Variants in DPP6 observed in about 807,000 individuals in gnomAD.
DPP6 encodes the protein A-type potassium channel modulatory protein DPP6.
In DPP6, 69 loss-of-function variants were observed where a neutral mutation model predicts 122.6. The observed-to-expected ratio is 0.56, with a 90% CI of 0.46 to 0.69. The LOEUF is 0.69. Among genes scored for constraint, DPP6 ranks in the 30% least tolerant of loss-of-function variants. The pLI, the probability that DPP6 is intolerant of heterozygous loss-of-function variation, is 0.00. For missense variants in DPP6, 928 were observed against 1,116.9 expected, an observed-to-expected ratio of 0.83 and a Z score of 2.41; for synonymous variants, 418 against 433.1, an observed-to-expected ratio of 0.97 and a Z score of 0.43.
the DPP6 span, among the ~76,000 whole-genome samples, chr7:153,791,231 A>G: frequency 6.6e-6 from 1 of 152,132 alleles, no homozygotes; most frequent in South Asian, 2.1e-4. Flanking sequence ...ATATCATGTT[A>G]TTAGTGTTCC....
intron 1 of DPP6, among the ~76,000 whole-genome samples, chr7:153,955,796 G>C (rs1356933450): frequency 6.6e-6 from 1 of 152,172 alleles, no homozygotes; most frequent in East Asian, 1.9e-4. Context: ...ACTTGGGAAA[G>C]GTCACACAGT....
At chr7:154,422,176 C>A (rs906824230) in intron 1 of DPP6, among the ~76,000 whole-genome samples, 3 of 152,180 alleles carry the variant, frequency 2.0e-5, no homozygotes, top group African/African-American at 7.2e-5. Context: ...ACTTTTTGAT[C>A]TCTTGGTCAA....
At chr7:154,011,340 G>C (rs1453290041) in intron 1 of DPP6, among the ~76,000 whole-genome samples, 1 of 152,152 alleles carries the variant, frequency 6.6e-6, no homozygotes, top group Non-Finnish European at 1.5e-5. Context: ...CCTTTCAGCT[G>C]GCGTTTGCAT....
intron 20 of DPP6, among the ~76,000 whole-genome samples, chr7:154,879,944 C>T (rs1186038468): frequency 6.6e-6 from 1 of 152,320 alleles, no homozygotes; most frequent in Middle Eastern, 3.4e-3. Flanking sequence ...TTCCGGTTTT[C>T]CTCTTGTTCA....
rs1843637067 is a variant in DPP6, at chr7:154,755,835, G to A, written c.884-13582G>A. 6.6e-6 allele frequency among the ~76,000 whole-genome samples: 1 copy of A among 151,622 alleles called. No homozygotes were observed. The highest frequency in any genetic ancestry group is 1.5e-5 in the Non-Finnish European group (1 of 68,034). On this transcript the variant is annotated intron_variant, in intron 8 of 25. Transcript: ENST00000377770. The surrounding 1 kb of genome is among the most constrained non-coding windows in gnomAD (Gnocchi z 4.7). ...GTGGGGCGCGTCCCAGGTCGGGAAT[G>A]TTAGGACAAGGTGGCCTCTGTCTTC...
intron 5 of DPP6, among the ~76,000 whole-genome samples, chr7:154,567,689 A>T (rs916489449): frequency 6.6e-6 from 1 of 152,182 alleles, no homozygotes; most frequent in Non-Finnish European, 1.5e-5. Flanking sequence ...CCTCCCTGGC[A>T]TTTCTGAGAC....
rs1351159218 is a variant in DPP6, at chr7:154,401,979, C to T, written c.244-44235C>T. 2.2e-4 allele frequency among the ~76,000 whole-genome samples: 34 copies of T among 152,056 alleles called. 1 individual carries two copies. The highest frequency in any genetic ancestry group is 7.4e-5 in the Non-Finnish European group (5 of 68,022). ...TCTCAGAAGAAGACATTTATGCAGC[C>T]AAAAAACACATGAGAAAATGCTCAC... On this transcript the variant is annotated intron_variant, in intron 1 of 25. Transcript: ENST00000377770.
chr7:154,885,705 G>A lies in DPP6; in HGVS notation c.2206G>A (p.Gly736Ser), dbSNP rs757226960. ...GENQGQTFTC[G>S]SALSPITDFK... Reference sequence around the variant, plus strand: ...AAATCAAGGCCAGACATTCACCTGCGGCTCTGCTCTCTCTCCAATAACAGA... The same window carrying A: ...AAATCAAGGCCAGACATTCACCTGCAGCTCTGCTCTCTCTCCAATAACAGA... Residue 736 changes from glycine (G) to serine (S), a missense_variant, in exon 22 of 26, where the codon GGC becomes AGC. Physicochemically the swap from Gly to Ser is moderately conservative, Grantham distance 56. Coordinates refer to ENST00000377770, the MANE Select transcript of DPP6 (RefSeq NM_130797.4). 1.0e-5 allele frequency: 16 copies of A among 1,599,128 alleles called. No homozygotes were observed. Among genetic ancestry groups the A allele is most frequent in the African/African-American group, 1.3e-5 (1 of 74,574 alleles).
rs1158546795 is a variant in DPP6, at chr7:154,052,670, C to T, written c.-151C>T. The stretch of plus-strand genomic sequence containing the variant: ...GAGTGGCGCGCGGGAGGAGCGGCCG[C>T]CGGCGCTGGGCTTGCCTTGCTGCTG... On this transcript the variant is annotated 5_prime_UTR_variant, in exon 1 of 26. Coordinates refer to ENST00000377770, the MANE Select transcript of DPP6 (RefSeq NM_130797.4). This position sits in a 1 kb window ranked among gnomAD's most constrained non-coding sequence, Gnocchi z 4.8. The T allele has an allele frequency of 8.2e-6, 10 of 1,212,684 alleles. No individual in the cohort carries two copies. The highest frequency in any genetic ancestry group is 4.5e-5 in the East Asian group (1 of 22,126). 75.1% of individuals were successfully genotyped at this position (1,212,684 alleles called of 1,614,324 possible).
intron 5 of DPP6, among the ~76,000 whole-genome samples, chr7:154,621,025 A>G (rs1191640039): frequency 6.6e-6 from 1 of 152,244 alleles, no homozygotes; most frequent in Non-Finnish European, 1.5e-5. Context: ...AGCTGAAAAG[A>G]AAACCTATTT....
chr7:154,032,253 T>C (rs1439155893), intron 1 of DPP6, among the ~76,000 whole-genome samples: 1 of 152,086 alleles, frequency 6.6e-6, no homozygotes, highest in African/African-American at 2.4e-5. Flanking sequence ...GGCAGATAAC[T>C]GGGACAAGGA....
At chr7:154,028,127 G>A (rs1409976952) in intron 1 of DPP6, among the ~76,000 whole-genome samples, 6 of 152,060 alleles carry the variant, frequency 3.9e-5, no homozygotes, top group African/African-American at 1.4e-4. Flanking sequence ...TGGCTGTGGA[G>A]CCGGGACAGC....
chr7:153,848,346 A>C, the DPP6 span, among the ~76,000 whole-genome samples: 3 of 150,112 alleles, frequency 2.0e-5, no homozygotes, highest in East Asian at 4.0e-4. Flanking sequence ...AGGCCTAAGT[A>C]AACTAACTTA....
intron 1 of DPP6, among the ~76,000 whole-genome samples, chr7:154,185,017 T>C (rs986698234): frequency 3.9e-5 from 6 of 152,342 alleles, no homozygotes; most frequent in African/African-American, 9.6e-5. Flanking sequence ...GGCTAATAGA[T>C]AGAATTCTGA....
At chr7:154,841,845 G>A (rs767625559) in intron 16 of DPP6, among the ~76,000 whole-genome samples, 4 of 152,030 alleles carry the variant, frequency 2.6e-5, no homozygotes, top group Non-Finnish European at 4.4e-5. Flanking sequence ...TTGGATTGAA[G>A]CAAAACTAAA....
chr7:154,349,142 G>A (rs1810633994), intron 1 of DPP6, among the ~76,000 whole-genome samples: 1 of 152,194 alleles, frequency 6.6e-6, no homozygotes, highest in South Asian at 2.1e-4. Flanking sequence ...GATTTTAATA[G>A]TTAATTTTTG....
intron 5 of DPP6, among the ~76,000 whole-genome samples, chr7:154,599,729 T>C (rs1393843747): frequency 1.3e-5 from 2 of 151,888 alleles, no homozygotes; most frequent in Non-Finnish European, 2.9e-5. Flanking sequence ...GTCCAAGTGT[T>C]CTCATTGTTC....
At chr7:154,625,446 A>AT (rs1409199303) in intron 5 of DPP6, among the ~76,000 whole-genome samples, 1 of 152,210 alleles carries the variant, frequency 6.6e-6, no homozygotes. Context: ...GGCTGCCTAC[A>AT]TGCAAGCATA....
At chr7:154,612,191 T>C (rs1002601120) in intron 5 of DPP6, among the ~76,000 whole-genome samples, 6 of 152,144 alleles carry the variant, frequency 3.9e-5, no homozygotes, top group Non-Finnish European at 7.3e-5. Flanking sequence ...TCTCTGTTCA[T>C]TACAAATTAC....
Sources: gnomAD v4.1 joint callset for allele counts (sites outside exome capture counted in the v4.1 genomes callset) on GRCh38, gnomAD v4.1.1 for gene constraint, Gnocchi (gnomAD v3.1) non-coding constraint, MANE v1.5 for transcripts, NCBI Gene and HGNC (gene_info 2026-07-23, HGNC 2026-07-21) for gene names.